The following GANAB variants were observed in gnomAD, a reference collection of about 807,000 sequenced individuals.
GANAB encodes the protein glucosidase II alpha subunit, also known as neutral alpha-glucosidase AB.
In GANAB, 35 loss-of-function variants were observed where a neutral mutation model predicts 129.9. The observed-to-expected ratio is 0.27, with a 90% CI of 0.21 to 0.36. GANAB has a LOEUF of 0.36. Ranked by LOEUF, GANAB falls within the 10% of genes least tolerant of loss-of-function variation. The pLI is 1.00. For synonymous variants in GANAB, 482 were observed against 451.8 expected, an observed-to-expected ratio of 1.07 and a Z score of -0.85; for missense variants, 939 against 1,221.0, an observed-to-expected ratio of 0.77 and a Z score of 3.44.
chr11:62,626,837 G>C, intron 20 of GANAB, 23 bp downstream of exon 20: 1 of 1,568,550 alleles, frequency 6.4e-7, no homozygotes, highest in Non-Finnish European at 8.8e-7. Context: ...GATGGAACCG[G>C]CAGCCAGACC....
rs775449009 is a variant in GANAB, at chr11:62,625,937, TAA to T, written c.2726-15_2726-14del. 41 of 1,576,600 alleles carry T rather than the reference TAA, an allele frequency of 2.6e-5. No homozygotes were observed. The highest frequency in any genetic ancestry group is 3.3e-5 in the South Asian group (3 of 90,330). On this transcript the variant is annotated splice_polypyrimidine_tract_variant and intron_variant, in intron 23 of 23. Transcript: ENST00000356638. ...CTTTCTGGAGATCCTGGAGGAGGAA[TAA>T]AAGAGTGCCATAGTCATACCAATGG...
chr11:62,640,531 T>TC (rs1409958930), intron 1 of GANAB, among the ~76,000 whole-genome samples: 6 of 14,114 alleles, frequency 4.3e-4, no homozygotes, highest in Admixed American at 1.4e-3. Context: ...AGACTCCATC[T>TC]CCAAAAAAAA....
chr11:62,646,472 G>C, intron 1 of GANAB, 90 bp downstream of exon 1: 1 of 1,428,020 alleles, frequency 7.0e-7, no homozygotes, highest in Non-Finnish European at 9.8e-7. Context: ...GGGGGTGGCA[G>C]AGTGTCAAGA....
rs776378913 is a variant in GANAB, at chr11:62,639,701, T to A, written c.69A>T (p.Leu23Phe). 1 of 1,613,706 alleles carries A rather than the reference T, an allele frequency of 6.2e-7. No homozygotes were observed. Among genetic ancestry groups the A allele is most frequent in the Non-Finnish European group, 8.5e-7 (1 of 1,179,830 alleles). The change falls in exon 2 of 24, where the codon TTA (leucine) becomes TTT (phenylalanine). Residue 23 changes from leucine to phenylalanine, a missense_variant. Leu to Phe is a conservative substitution (Grantham distance 22). This residue lies in a region of GANAB where 321 missense variants were observed against 329.1 expected (regional missense o/e 0.98). Coordinates refer to ENST00000356638, the MANE Select transcript of GANAB (RefSeq NM_198334.3). ...CAAGGGTAATCCCCAGGCAGACCCC[T>A]AAAAAAGCCAGTACCAAAGACGCCC... ...RSWASLVLAF[L>F]GVCLGITLAV...
At chr11:62,627,614 C>T (rs1042438395) in intron 17 of GANAB, among the ~76,000 whole-genome samples, 2 of 152,096 alleles carry the variant, frequency 1.3e-5, no homozygotes, top group African/African-American at 2.4e-5. Flanking sequence ...CACCTGTGAT[C>T]CCAGCTACTC....
intron 17 of GANAB, among the ~76,000 whole-genome samples, chr11:62,628,449 G>C (rs893570205): frequency 5.3e-5 from 8 of 151,938 alleles, no homozygotes; most frequent in Non-Finnish European, 1.2e-4. Flanking sequence ...CTGACCTCAG[G>C]TGATCTGCCC....
intron 4 of GANAB, among the ~76,000 whole-genome samples, chr11:62,638,559 A>T (rs1944053593): frequency 1.3e-5 from 2 of 151,442 alleles, no homozygotes; most frequent in Admixed American, 6.6e-5. Flanking sequence ...TCCTATTCTG[A>T]ATATCTAAGG....
intron 1 of GANAB, among the ~76,000 whole-genome samples, chr11:62,643,890 C>T (rs561041656): frequency 2.4e-4 from 36 of 152,326 alleles, no homozygotes; most frequent in African/African-American, 7.9e-4. Context: ...CTTGGCCTTC[C>T]AAAATGCTGG....
chr11:62,630,076 A>C (rs1943591886), intron 13 of GANAB, 119 bp from the exon 14 acceptor site: 1 of 1,304,636 alleles, frequency 7.7e-7, no homozygotes, highest in Middle Eastern at 2.1e-4. Context: ...CCCTCCCCGG[A>C]TCATCAAGGC....
Position 62,630,253 on chromosome 11 carries a change from T to G in GANAB, c.1537A>C (p.Thr513Pro). The change falls in exon 13 of 24, where the codon ACT becomes CCT. Residue 513 changes from threonine to proline, a missense_variant. Coordinates refer to ENST00000356638, the MANE Select transcript of GANAB (RefSeq NM_198334.3). ...WPGSAGYPDF[T>P]NPTMRAWWAN... is the part of the protein sequence containing the mutation. ...CACCAGGCCCTCATCGTGGGATTAG[T>G]GAAGTCAGGGTAACCAGCTGAGCCT... The G allele has an allele frequency of 1.2e-6, 2 of 1,613,674 alleles. No homozygotes were observed. Among genetic ancestry groups the G allele is most frequent in the Non-Finnish European group, 1.7e-6 (2 of 1,179,776 alleles).
In GANAB at chr11:62,632,639, G is replaced by A. The variant is rs200209092; in HGVS notation, c.922C>T (p.His308Tyr). The change falls in exon 9 of 24, where the codon CAT becomes TAT. Residue 308 changes from histidine (H) to tyrosine (Y), a missense_variant. Physicochemically the swap from His to Tyr is moderately conservative, Grantham distance 83. This residue lies in a region of GANAB where 220 missense variants were observed against 295.9 expected (regional missense o/e 0.74). Transcript: ENST00000356638. ...AGCCAGAAGATGCCCAAGTCGCGAT[G>A]AGGGTTGTGTGCCAGGAGCACAGGC... ...SVPVLLAHNPHRDLGIFWLNA... is the reference protein window; with the variant it reads ...SVPVLLAHNPYRDLGIFWLNA... 2 of 1,614,052 alleles carry A rather than the reference G, an allele frequency of 1.2e-6. No homozygotes were observed. Among genetic ancestry groups the A allele is most frequent in the Non-Finnish European group, 1.7e-6 (2 of 1,179,904 alleles).
chr11:62,630,403 C>G lies in GANAB; in HGVS notation c.1489G>C (p.Asp497His), dbSNP rs1235304080. 10 of 1,614,228 alleles carry G rather than the reference C, an allele frequency of 6.2e-6. No homozygotes were observed. The highest frequency in any genetic ancestry group is 7.6e-6 in the Non-Finnish European group (9 of 1,180,050). Residue 497 changes from aspartate (D) to histidine (H), a missense_variant, in exon 12 of 24, where the codon GAC becomes CAC. Asp to His is a moderately conservative substitution (Grantham distance 81, BLOSUM62 -1). Transcript: ENST00000356638. ...CCTGGCCAGCACCAGCCCTCATAGT[C>G]AGAGCCATCCCGGGTTTTAACATAC... ...GLYVKTRDGS[D>H]YEGWCWPGSA...
intron 1 of GANAB, chr11:62,640,079 C>CA (rs1222104449): frequency 6.2e-5 from 11 of 176,890 alleles, no homozygotes; most frequent in Non-Finnish European, 1.2e-4. Context: ...ACTAAAAATA[C>CA]AAAAAAAATT....
intron 5 of GANAB, chr11:62,634,582 AGGCC>A (rs1943849455): frequency 2.1e-5 from 13 of 615,254 alleles, no homozygotes; most frequent in Admixed American, 1.1e-4. Flanking sequence ...AGACCCAGGC[AGGCC>A]TCCCAGAGAT....
At chr11:62,634,580 G>A (rs1943849064) in intron 5 of GANAB, 3 of 615,918 alleles carry the variant, frequency 4.9e-6, no homozygotes, top group Non-Finnish European at 8.6e-6. Context: ...ACAGACCCAG[G>A]CAGGCCTCCC....
intron 4 of GANAB, among the ~76,000 whole-genome samples, chr11:62,637,097 C>G (rs1453687499): frequency 6.6e-6 from 1 of 151,896 alleles, no homozygotes; most frequent in African/African-American, 2.4e-5. Flanking sequence ...AAGGAAAAGT[C>G]TAAGAAATTT....
chr11:62,632,884 G>T, intron 8 of GANAB, 121 bp downstream of exon 8: 1 of 969,926 alleles, frequency 1.0e-6, no homozygotes, highest in Non-Finnish European at 1.6e-6. Context: ...CACCAAAGGT[G>T]ATTCTGGACA....
chr11:62,646,337 A>G (rs1944481276), intron 1 of GANAB, among the ~76,000 whole-genome samples: 1 of 152,234 alleles, frequency 6.6e-6, no homozygotes, highest in Admixed American at 6.5e-5. Context: ...CTGTGGCTTT[A>G]CTAAACCGCC....
In GANAB at chr11:62,630,472, C is replaced by A. The variant is rs754934988; in HGVS notation, c.1420G>T (p.Asp474Tyr). Residue 474 changes from aspartate (D) to tyrosine (Y), a missense_variant, in exon 12 of 24, where the codon GAC (aspartate) becomes TAC (tyrosine). Physicochemically the swap from Asp to Tyr is radical, Grantham distance 160. This residue lies in a region of GANAB where 220 missense variants were observed against 295.9 expected (regional missense o/e 0.74). Coordinates refer to ENST00000356638, the MANE Select transcript of GANAB (RefSeq NM_198334.3). ...TCCTCGTGAACTCGGTAGCCGGAGT[C>A]CACCTTGATGTGGGGGTCTACGATG... ...VAIVDPHIKV[D>Y]SGYRVHEELR... 60 of 1,614,036 alleles carry A rather than the reference C, an allele frequency of 3.7e-5. No individual in the cohort carries two copies. Among genetic ancestry groups the A allele is most frequent in the Non-Finnish European group, 4.7e-5 (55 of 1,180,030 alleles).
Sources: allele counts gnomAD v4.1 joint callset (sites outside exome capture counted in the v4.1 genomes callset), GRCh38; gene constraint gnomAD v4.1.1; regional missense constraint gnomAD v4.1.1; transcripts MANE v1.5; gene names NCBI Gene and HGNC (gene_info 2026-07-23, HGNC 2026-07-21).